Variants in CKAP5 observed in about 807,000 individuals in gnomAD.
The protein encoded by CKAP5 is cytoskeleton associated protein 5, also known as cytoskeleton-associated protein 5.
CKAP5 carries 27 observed loss-of-function variants against 232.8 expected under a neutral mutation model. That is an observed-to-expected ratio of 0.12 (90% confidence interval 0.09 to 0.16). The LOEUF (loss-of-function observed/expected upper bound fraction) is 0.16. Among genes scored for constraint, CKAP5 ranks in the 10% least tolerant of loss-of-function variants. The pLI is 1.00. For synonymous variants in CKAP5, 785 were observed against 841.1 expected (o/e 0.93, Z 1.16); for missense variants, 1,838 against 2,424.7 (o/e 0.76, Z 5.08).
In CKAP5 at chr11:46,765,612, T is replaced by G. The variant is rs868180091; in HGVS notation, c.3412-356A>C. ...TATTAATGACATCTTTTTTTTTTTT[T>G]TTTTTTTTTTGAGACGGAGTCTCAC... On this transcript the variant is annotated intron_variant, in intron 27 of 43. Transcript: ENST00000529230. 2.1e-3 allele frequency among the ~76,000 whole-genome samples: 306 copies of G among 143,776 alleles called. 2 individuals carry two copies. Among genetic ancestry groups the G allele is most frequent in the African/African-American group, 5.3e-3 (203 of 38,606 alleles). The allele number at this position is 143,776 out of a possible 152,430, so 94.3% of individuals were successfully genotyped here. A position where few individuals can be genotyped will look rare whatever the true frequency, so the allele number is the denominator to read the frequency against.
rs1254439046 is a variant in CKAP5 at position 46,802,557 on chromosome 11, G to GACACACACACACAC, written c.979-1267_979-1254dup. On this transcript the variant is annotated intron_variant, in intron 8 of 43. Transcript: ENST00000529230. ...AGACAGACAGACAGACAGACAGACA[G>GACACACACACACAC]ACACACACACACACACACACACACA... Among the ~76,000 whole-genome samples the GACACACACACACAC allele has an allele frequency of 4.6e-3, 681 of 147,500 alleles. 6 individuals are homozygous for GACACACACACACAC. Among genetic ancestry groups the GACACACACACACAC allele is most frequent in the African/African-American group, 0.016 (645 of 39,992 alleles).
chr11:46,778,622 G>C, intron 20 of CKAP5, 23 bp from the exon 21 acceptor site: 1 of 1,607,872 alleles, frequency 6.2e-7, no homozygotes, highest in South Asian at 1.1e-5. Context: ...GAATGAGTAA[G>C]GCTAATGAAA....
chr11:46,801,266 C>T lies in CKAP5; in HGVS notation c.1017G>A (p.Leu339=). The T allele has an allele frequency of 1.2e-6, 2 of 1,613,794 alleles. No homozygotes were observed. The highest frequency in any genetic ancestry group is 1.7e-6 in the Non-Finnish European group (2 of 1,179,726). The stretch of plus-strand genomic sequence containing the variant: ...CCAGGCCAGTAAGACATTTTGCTGC[C>T]AAAGCCACCAACATGACATTGGTGT... ...GKDTNVMLVA[L]AAKCLTGLAV... Residue 339 remains leucine, a synonymous_variant, in exon 9 of 44, where the codon TTG becomes TTA. Transcript: ENST00000529230.
chr11:46,768,492 T>C (rs1819042573), intron 26 of CKAP5, among the ~76,000 whole-genome samples: 1 of 152,212 alleles, frequency 6.6e-6, no homozygotes, highest in Admixed American at 6.5e-5. Context: ...TGATACTTTC[T>C]TAAAGGTAAA....
chr11:46,796,647 A>G (rs1432173700), intron 12 of CKAP5, among the ~76,000 whole-genome samples, 165 bp downstream of exon 12: 63 of 152,278 alleles, frequency 4.1e-4, no homozygotes, highest in African/African-American at 1.4e-3. Context: ...ATCCTCCAAA[A>G]CTTGTTTCAA....
chr11:46,780,462 C>T lies in CKAP5; in HGVS notation c.2273G>A (p.Ser758Asn), dbSNP rs753831792. The T allele has an allele frequency of 6.2e-7, 1 of 1,613,792 alleles. No homozygotes were observed. The highest frequency in any genetic ancestry group is 8.5e-7 in the Non-Finnish European group (1 of 1,179,846). Residue 758 changes from serine (S) to asparagine (N), a missense_variant, in exon 19 of 44, where the codon AGC becomes AAC. By Grantham distance (46) the Ser-to-Asn change is conservative. This residue lies in a region of CKAP5 where 767 missense variants were observed against 954.6 expected (regional missense o/e 0.80). Transcript: ENST00000529230. ...TGCAGCAAGAGCTGTCTTCACATTG[C>T]TAATGAAAGCTTTGACATTCAACCT... ...FSGLNVKAFI[S>N]NVKTALAATN...
Position 46,776,390 on chromosome 11 carries a change from G to A in CKAP5, c.2863-7C>T, listed in dbSNP as rs767885500. ...CAGCAGCTCGAACATTGTTCTAAAT[G>A]GAGAAGATAATCAGCAAAAATAATA... is the stretch of plus-strand genomic sequence containing the variant. On this transcript the variant is annotated splice_region_variant and splice_polypyrimidine_tract_variant and intron_variant, in intron 23 of 43. Coordinates refer to ENST00000529230, the MANE Select transcript of CKAP5 (RefSeq NM_001008938.4). The A allele has an allele frequency of 6.2e-7, 1 of 1,603,298 alleles. No individual in the cohort carries two copies.
chr11:46,818,764 A>G (rs1159731281), intron 2 of CKAP5, among the ~76,000 whole-genome samples: 1 of 152,188 alleles, frequency 6.6e-6, no homozygotes, highest in Non-Finnish European at 1.5e-5. Context: ...TGAATCTCAC[A>G]TTGTATCTAA....
rs74843072 is a variant in CKAP5 at position 46,803,766 on chromosome 11, T to C, written c.979-2462A>G. Among the ~76,000 whole-genome samples, 1,487 of 152,322 alleles carry C rather than the reference T, an allele frequency of 9.8e-3. 11 individuals carry two copies. The highest frequency in any genetic ancestry group is 0.017 in the Non-Finnish European group (1,126 of 68,022). ...GATGAGATCAGGGTCCTAATAAACATTTTGTTAAATCTCTAATTACTGTAA... is the reference window on the plus strand; with the variant it reads ...GATGAGATCAGGGTCCTAATAAACACTTTGTTAAATCTCTAATTACTGTAA... On this transcript the variant is annotated intron_variant, in intron 8 of 43. Coordinates refer to ENST00000529230, the MANE Select transcript of CKAP5 (RefSeq NM_001008938.4).
At position 46,743,925 on chromosome 11, in the gene CKAP5, C is replaced by A. The variant is rs2065003373; in HGVS notation, c.*98G>T. The A allele has an allele frequency of 6.1e-6, 9 of 1,465,818 alleles. No homozygotes were observed. The highest frequency in any genetic ancestry group is 7.5e-6 in the Non-Finnish European group (8 of 1,061,674). The allele number at this position is 1,465,818 out of a possible 1,614,324, so 90.8% of individuals were successfully genotyped here. A position where few individuals can be genotyped will look rare whatever the true frequency, so the allele number is the denominator to read the frequency against. The stretch of plus-strand genomic sequence containing the variant: ...AGCTCCACGGCATGATACATACAAC[C>A]AGTTTGTATACACTAGGCCTGCTGA... On this transcript the variant is annotated 3_prime_UTR_variant, in exon 44 of 44. Coordinates refer to ENST00000529230, the MANE Select transcript of CKAP5 (RefSeq NM_001008938.4).
At chr11:46,831,252 TTAC>T (rs1322153591) in intron 1 of CKAP5, among the ~76,000 whole-genome samples, 1 of 152,118 alleles carries the variant, frequency 6.6e-6, no homozygotes, top group Non-Finnish European at 1.5e-5. Flanking sequence ...TTTTTTTCAT[TTAC>T]TTTTTCTTTA....
At chr11:46,822,988 C>G (rs1244171111) in intron 1 of CKAP5, among the ~76,000 whole-genome samples, 1 of 152,100 alleles carries the variant, frequency 6.6e-6, no homozygotes, top group Non-Finnish European at 1.5e-5. Flanking sequence ...GAGACAGCGT[C>G]TTGCTCTGTC....
intron 32 of CKAP5, 58 bp from the exon 33 acceptor site, chr11:46,760,842 T>C (rs1261267063): frequency 1.1e-5 from 16 of 1,461,460 alleles, no homozygotes; most frequent in Non-Finnish European, 1.4e-5. Context: ...TCTATTTTCA[T>C]ATCAAAACAA....
intron 8 of CKAP5, 133 bp from the exon 9 acceptor site, chr11:46,801,437 A>C: frequency 1.7e-6 from 1 of 599,798 alleles, no homozygotes; most frequent in South Asian, 1.7e-5. Flanking sequence ...TGGGAGGCCA[A>C]GGTGGGTGGA....
chr11:46,763,016 T>C lies in CKAP5; in HGVS notation c.3851A>G (p.Glu1284Gly). Residue 1284 changes from glutamate (E) to glycine (G), a missense_variant, in exon 30 of 44, where the codon GAG (glutamate) becomes GGG (glycine). Physicochemically the swap from Glu to Gly is moderately conservative, Grantham distance 98. This residue lies in a region of CKAP5 where 48 missense variants were observed against 98.1 expected (regional missense o/e 0.49). Coordinates refer to ENST00000529230, the MANE Select transcript of CKAP5 (RefSeq NM_001008938.4). Reference sequence around the variant, plus strand: ...GGGGATGAAGGAAGATGCTTCATTCTCAGTAAGATGATATTCTTCTTCACT... The same window carrying C: ...GGGGATGAAGGAAGATGCTTCATTCCCAGTAAGATGATATTCTTCTTCACT... ...LLSEEEYHLTENEASSFIPYL... is the reference protein window; with the variant it reads ...LLSEEEYHLTGNEASSFIPYL... The C allele has an allele frequency of 6.2e-7, 1 of 1,613,908 alleles. No homozygotes were observed.
intron 13 of CKAP5, among the ~76,000 whole-genome samples, chr11:46,791,254 T>G (rs1938710237): frequency 1.3e-5 from 2 of 149,980 alleles, no homozygotes; most frequent in African/African-American, 4.8e-5. Context: ...GGTTTTTTTT[T>G]TTTTTTGTTT....
chr11:46,834,837 ACT>A (rs1162889490), intron 1 of CKAP5, among the ~76,000 whole-genome samples: 2 of 151,832 alleles, frequency 1.3e-5, no homozygotes, highest in African/African-American at 4.8e-5. Flanking sequence ...ACAGGGTCTC[ACT>A]CTGTCGTCTG....
chr11:46,829,559 A>G (rs913765866), intron 1 of CKAP5, among the ~76,000 whole-genome samples: 2 of 152,036 alleles, frequency 1.3e-5, no homozygotes, highest in East Asian at 1.9e-4. Context: ...TTTTCTTAAC[A>G]TTTTCTTTTC....
At chr11:46,800,938 A>T (rs1216274080) in intron 9 of CKAP5, among the ~76,000 whole-genome samples, 1 of 151,588 alleles carries the variant, frequency 6.6e-6, no homozygotes, top group East Asian at 1.9e-4. Flanking sequence ...TAAATAAGTA[A>T]TAAGCAAATA....
Sources: gnomAD v4.1 joint callset for allele counts (sites outside exome capture counted in the v4.1 genomes callset) on GRCh38, gnomAD v4.1.1 for gene constraint, gnomAD v4.1.1 regional missense constraint, MANE v1.5 for transcripts, NCBI Gene and HGNC (gene_info 2026-07-23, HGNC 2026-07-21) for gene names.